TRPM3: variants seen among roughly 807,000 people sequenced by gnomAD.
The protein encoded by TRPM3 is transient receptor potential cation channel subfamily M member 3.
Under a neutral mutation model 181.2 loss-of-function variants are expected in TRPM3, and 77 were observed. That is an observed-to-expected ratio of 0.42 (90% CI 0.35 to 0.51). The LOEUF is 0.51. Ranked by LOEUF, TRPM3 falls within the 20% of genes least tolerant of loss-of-function variation. The pLI is 0.01. For synonymous variants in TRPM3, 745 were observed against 796.4 expected (o/e 0.94, Z 1.09); for missense variants, 1,759 against 2,196.7 (o/e 0.80, Z 3.98).
chr9:70,749,363 C>CA (rs2075737533), intron 8 of TRPM3, among the ~76,000 whole-genome samples: 1 of 152,056 alleles, frequency 6.6e-6, no homozygotes, highest in South Asian at 2.1e-4. Flanking sequence ...AGGTACATTA[C>CA]AAAAACCCCC....
At chr9:71,413,097 G>A (rs141434823) in intron 1 of TRPM3, among the ~76,000 whole-genome samples, 2,537 of 152,106 alleles carry the variant, frequency 0.017, 61 homozygotes, top group African/African-American at 0.051. Flanking sequence ...GGGGCCTTTC[G>A]TGGGGTTGGG....
intron 1 of TRPM3, among the ~76,000 whole-genome samples, chr9:71,333,772 A>G (rs1235561292): frequency 2.0e-5 from 3 of 151,872 alleles, no homozygotes; most frequent in Non-Finnish European, 4.4e-5. Context: ...GAGATAATAA[A>G]TACTGTTGTT....
chr9:71,239,983 G>A (rs1465919321), intron 1 of TRPM3, among the ~76,000 whole-genome samples: 1 of 152,030 alleles, frequency 6.6e-6, no homozygotes, highest in Non-Finnish European at 1.5e-5. Context: ...AATTAATTAG[G>A]GCAGCCTGTG....
At chr9:71,137,193 A>T (rs1490146105) in intron 1 of TRPM3, among the ~76,000 whole-genome samples, 2 of 152,190 alleles carry the variant, frequency 1.3e-5, no homozygotes, top group Non-Finnish European at 2.9e-5. Context: ...TAAAACTAAT[A>T]AAAAGGTATT....
chr9:71,138,818 C>T (rs955935209), intron 1 of TRPM3, among the ~76,000 whole-genome samples: 4 of 152,118 alleles, frequency 2.6e-5, no homozygotes, highest in Admixed American at 2.0e-4. Context: ...TTACAACTTA[C>T]ATTTCACATA....
chr9:70,880,606 T>C (rs1274370963), intron 1 of TRPM3, among the ~76,000 whole-genome samples: 1 of 152,056 alleles, frequency 6.6e-6, no homozygotes, highest in Non-Finnish European at 1.5e-5. Context: ...CAGGTTTAAA[T>C]GATTAATTAG....
intron 7 of TRPM3, 35 bp from the exon 8 acceptor site, chr9:70,761,759 C>T: frequency 1.3e-6 from 2 of 1,590,150 alleles, no homozygotes; most frequent in Non-Finnish European, 1.7e-6. Flanking sequence ...GCAGGTCAAC[C>T]AACTCCTATT....
chr9:70,543,889 G>C (rs899970997), intron 25 of TRPM3, among the ~76,000 whole-genome samples: 14 of 152,192 alleles, frequency 9.2e-5, no homozygotes, highest in African/African-American at 3.4e-4. Context: ...TAGGCAGGCA[G>C]ATCAAGTATG....
At chr9:70,991,560 T>TTG (rs1554792544) in intron 1 of TRPM3, among the ~76,000 whole-genome samples, 81 of 147,476 alleles carry the variant, frequency 5.5e-4, no homozygotes, top group African/African-American at 2.0e-3. Context: ...TGTCTGTTTT[T>TTG]TTTTTTTTTT....
chr9:70,943,159 C>T (rs2096901765), intron 1 of TRPM3, among the ~76,000 whole-genome samples: 1 of 152,110 alleles, frequency 6.6e-6, no homozygotes, highest in Admixed American at 6.6e-5. Context: ...GGGTTATGGG[C>T]TTAATGGATT....
intron 1 of TRPM3, among the ~76,000 whole-genome samples, chr9:70,908,826 C>T (rs1368084065): frequency 6.6e-6 from 1 of 152,120 alleles, no homozygotes; most frequent in Non-Finnish European, 1.5e-5. Context: ...CAGACCTATG[C>T]ATATATCGAT....
At chr9:71,431,091 A>G (rs902244595) in intron 1 of TRPM3, among the ~76,000 whole-genome samples, 1 of 152,192 alleles carries the variant, frequency 6.6e-6, no homozygotes, top group Non-Finnish European at 1.5e-5. Context: ...TAACCTTGAG[A>G]TAAACCAAGG....
chr9:71,292,910 C>A (rs966689456), intron 1 of TRPM3, among the ~76,000 whole-genome samples: 2 of 151,806 alleles, frequency 1.3e-5, no homozygotes, highest in Admixed American at 1.3e-4. Context: ...ACTAAAATTG[C>A]AAATCAAACA....
chr9:71,077,650 T>C (rs1461420601), intron 1 of TRPM3, among the ~76,000 whole-genome samples: 1 of 152,090 alleles, frequency 6.6e-6, no homozygotes, highest in African/African-American at 2.4e-5. Context: ...TGAAAGCTTC[T>C]CACCTGTGCT....
chr9:70,548,500 G>A (rs2045630870), intron 25 of TRPM3, among the ~76,000 whole-genome samples: 1 of 152,176 alleles, frequency 6.6e-6, no homozygotes, highest in African/African-American at 2.4e-5. Flanking sequence ...TGGATGAGCA[G>A]ACAAAATGTC....
In TRPM3 at chr9:70,749,397, C is replaced by T. The variant is rs149272102; in HGVS notation, c.1272+12204G>A. On this transcript the variant is annotated intron_variant, in intron 8 of 25. Coordinates refer to ENST00000677713, the MANE Select transcript of TRPM3 (RefSeq NM_001366145.2). ...CCAAGATATAGTCTAGGAATTAAGA[C>T]GTTAAAGTAATTTTACCACTTAAAT... Among the ~76,000 whole-genome samples the T allele has an allele frequency of 6.6e-5, 10 of 152,156 alleles. No homozygotes were observed. In the East Asian group the frequency reaches 7.7e-4, roughly 12 times the overall value.
intron 1 of TRPM3, among the ~76,000 whole-genome samples, chr9:70,908,776 A>T (rs2096501431): frequency 6.6e-6 from 1 of 152,244 alleles, no homozygotes; most frequent in East Asian, 1.9e-4. Context: ...TCACAAAAAT[A>T]GAATAATAGA....
In TRPM3 at chr9:70,776,877, T is replaced by C; in HGVS notation, c.1148+7228A>G. Among the ~76,000 whole-genome samples the C allele has an allele frequency of 1.3e-5, 2 of 152,136 alleles. 1 individual carries two copies. On this transcript the variant is annotated intron_variant, in intron 7 of 25. Transcript: ENST00000677713. ...AGTGTGGACCATAGGCCACTCTCAA[T>C]GGAATCACCTGGGGTTTGGGTTTCA...
At chr9:71,233,322 C>T (rs920576269) in intron 1 of TRPM3, among the ~76,000 whole-genome samples, 1 of 152,202 alleles carries the variant, frequency 6.6e-6, no homozygotes, top group African/African-American at 2.4e-5. Context: ...CAACAGACAA[C>T]TCACTTGTCT....
Sources: gnomAD v4.1 joint callset for allele counts (sites outside exome capture counted in the v4.1 genomes callset) on GRCh38, gnomAD v4.1.1 for gene constraint, MANE v1.5 for transcripts, NCBI Gene and HGNC (gene_info 2026-07-23, HGNC 2026-07-21) for gene names.